FRMPD4: variants seen among roughly 807,000 people sequenced by gnomAD.
The protein encoded by FRMPD4 is FERM and PDZ domain-containing protein 4.
Under a neutral mutation model 94.1 loss-of-function variants are expected in FRMPD4, and 22 were observed. The ratio of observed to expected loss-of-function variants is 0.23; its 90% confidence interval spans 0.17 to 0.33. The LOEUF (loss-of-function observed/expected upper bound fraction) is 0.33. FRMPD4 is among the 10% of genes least tolerant of loss of function. The pLI is 1.00. For synonymous variants in FRMPD4, 631 were observed against 548.6 expected, an observed-to-expected ratio of 1.15 and a Z score of -2.10; for missense variants, 1,111 against 1,339.9, an observed-to-expected ratio of 0.83 and a Z score of 2.67.
At chrX:12,053,434 A>G (rs866591669) in intron 3 of FRMPD4, among the ~76,000 whole-genome samples, 16 of 96,223 alleles carry the variant, frequency 1.7e-4, no homozygotes, top group African/African-American at 2.6e-4. Context: ...AAGAAAGAGA[A>G]AGAAAGAAGA....
In FRMPD4 at chrX:12,710,482, C is replaced by T; in HGVS notation, c.1554C>T (p.Ser518=). The change falls in exon 14 of 17, where the codon TCC becomes TCT. Residue 518 remains serine (S), a synonymous_variant. Coordinates refer to ENST00000675598, the MANE Select transcript of FRMPD4 (RefSeq NM_001368397.1). ...TAGYYRLLVD[S]RRSIFNMANK... ...GATACTACCGGCTGCTTGTTGATTC[C>T]AGGAGGTCGATATTTAACATGGCCA... 1.7e-6 allele frequency: 2 copies of T among 1,204,359 alleles called. No homozygotes were observed. Among genetic ancestry groups the T allele is most frequent in the Non-Finnish European group, 2.2e-6 (2 of 889,156 alleles).
At chrX:12,572,404 G>A (rs902449057) in intron 2 of FRMPD4, among the ~76,000 whole-genome samples, 1 of 112,440 alleles carries the variant, frequency 8.9e-6, no homozygotes, top group Non-Finnish European at 1.9e-5. Context: ...AATTAAAGGG[G>A]AAATGATTAA....
intron 1 of FRMPD4, among the ~76,000 whole-genome samples, chrX:12,319,209 T>C (rs1358855141): frequency 8.9e-6 from 1 of 111,993 alleles, no homozygotes; most frequent in African/African-American, 3.3e-5. Context: ...TGAGCCTTTA[T>C]AGATAAAGAC....
chrX:12,107,395 C>G, intron 3 of FRMPD4, among the ~76,000 whole-genome samples: 1 of 111,814 alleles, frequency 8.9e-6, no homozygotes, highest in South Asian at 3.7e-4. Context: ...AAAAACCCAC[C>G]TGTACGTCAC....
At chrX:12,543,724 A>G (rs1262806431) in intron 2 of FRMPD4, among the ~76,000 whole-genome samples, 4 of 111,346 alleles carry the variant, frequency 3.6e-5, no homozygotes, top group Non-Finnish European at 5.7e-5. Flanking sequence ...TGACCCAGCC[A>G]TCCCATTACT....
chrX:12,456,166 A>ATAATC (rs2057331449), intron 1 of FRMPD4, among the ~76,000 whole-genome samples: 1 of 112,354 alleles, frequency 8.9e-6, no homozygotes, highest in Non-Finnish European at 1.9e-5. Flanking sequence ...ATAAATTAAA[A>ATAATC]TAATCTATGT....
intron 1 of FRMPD4, among the ~76,000 whole-genome samples, chrX:12,351,349 G>A (rs1331613488): frequency 3.6e-5 from 4 of 109,811 alleles, no homozygotes; most frequent in Non-Finnish European, 5.7e-5. Flanking sequence ...AGAGGAACAC[G>A]TGACTTGGTT....
chrX:12,495,081 T>G, intron 1 of FRMPD4: 1 of 551,204 alleles, frequency 1.8e-6, no homozygotes, highest in South Asian at 9.4e-5. Flanking sequence ...TAAAAAACTT[T>G]CTGATGTTTC....
chrX:12,390,715 CT>C (rs1299398738), intron 1 of FRMPD4, among the ~76,000 whole-genome samples: 5 of 111,787 alleles, frequency 4.5e-5, no homozygotes, highest in South Asian at 3.8e-4. Context: ...ATGTTTGTCA[CT>C]TTTTTTCTGT....
intron 2 of FRMPD4, among the ~76,000 whole-genome samples, chrX:12,559,376 G>A (rs766452100): frequency 2.7e-5 from 3 of 112,038 alleles, no homozygotes; most frequent in East Asian, 2.8e-4. Context: ...GGGGCCAGGC[G>A]TGGTGGCTCA....
rs3068660 is a variant in FRMPD4, at chrX:12,388,818, G to GATATATATATAT, written c.42-109840_42-109829dup. 1.1e-3 allele frequency among the ~76,000 whole-genome samples: 65 copies of GATATATATATAT among 60,703 alleles called. 1 individual carries two copies. The highest frequency in any genetic ancestry group is 3.3e-3 in the Admixed American group (17 of 5,120). 52.7% of individuals were successfully genotyped at this position (60,703 alleles called of 115,157 possible). ...ACGGATGAATGGATAAAGAAAATGTGATATATATATATATATATATATATA... is the reference window on the plus strand; with the variant it reads ...ACGGATGAATGGATAAAGAAAATGTGATATATATATATATATATATATATATATATATATATA... On this transcript the variant is annotated intron_variant, in intron 1 of 16. Transcript: ENST00000675598.
At chrX:12,060,406 T>G (rs2054878862) in intron 3 of FRMPD4, among the ~76,000 whole-genome samples, 1 of 103,515 alleles carries the variant, frequency 9.7e-6, no homozygotes, top group African/African-American at 3.5e-5. Context: ...TGTTTATGTG[T>G]CTTTTTTTTT....
intron 4 of FRMPD4, among the ~76,000 whole-genome samples, chrX:12,618,355 A>G (rs1207395348): frequency 8.9e-6 from 1 of 111,951 alleles, no homozygotes; most frequent in African/African-American, 3.2e-5. Context: ...TAAGGCACTG[A>G]GCATGTATAG....
intron 1 of FRMPD4, among the ~76,000 whole-genome samples, chrX:11,843,874 C>T (rs1336534086): frequency 9.0e-6 from 1 of 111,187 alleles, no homozygotes; most frequent in Non-Finnish European, 1.9e-5. Flanking sequence ...TTATGCTCTT[C>T]ATTTCATCCT....
chrX:12,129,295 A>C (rs2055526625), intron 3 of FRMPD4, among the ~76,000 whole-genome samples: 1 of 111,829 alleles, frequency 8.9e-6, no homozygotes, highest in African/African-American at 3.3e-5. Context: ...TCATGGCAGA[A>C]GGGGAAGCAA....
chrX:12,279,466 C>T (rs1237462007), intron 1 of FRMPD4, among the ~76,000 whole-genome samples: 1 of 112,369 alleles, frequency 8.9e-6, no homozygotes, highest in Non-Finnish European at 1.9e-5. Flanking sequence ...GGATAGAAGG[C>T]TGCCTGCTTT....
At chrX:12,167,922 G>A (rs12833832) in intron 1 of FRMPD4, among the ~76,000 whole-genome samples, 14,725 of 110,885 alleles carry the variant, frequency 0.13, 690 homozygotes, top group South Asian at 0.28. Flanking sequence ...CTTGTTCTCA[G>A]TGAAGGAGTA....
intron 3 of FRMPD4, among the ~76,000 whole-genome samples, chrX:12,100,258 TAAC>T (rs1373095172): frequency 1.1e-4 from 12 of 112,119 alleles, no homozygotes; most frequent in Non-Finnish European, 2.1e-4. Context: ...AAATTGTTCT[TAAC>T]AGCAATAATA....
chrX:12,482,425 G>C (rs1187865159), intron 1 of FRMPD4, among the ~76,000 whole-genome samples: 1 of 111,938 alleles, frequency 8.9e-6, no homozygotes, highest in Non-Finnish European at 1.9e-5. Flanking sequence ...TGTAGTTCTT[G>C]TGTTCATTTA....
Sources: gnomAD v4.1 joint callset for allele counts (sites outside exome capture counted in the v4.1 genomes callset) on GRCh38, gnomAD v4.1.1 for gene constraint, MANE v1.5 for transcripts, NCBI Gene and HGNC (gene_info 2026-07-23, HGNC 2026-07-21) for gene names.